PRRC2C: variants seen among roughly 807,000 people sequenced by gnomAD.
The protein encoded by PRRC2C is proline rich coiled-coil 2C.
In PRRC2C, 72 loss-of-function variants were observed where a neutral mutation model predicts 317.2. The observed-to-expected ratio is 0.23, with a 90% CI of 0.19 to 0.28. The LOEUF is 0.28. Among genes scored for constraint, PRRC2C ranks in the 10% least tolerant of loss-of-function variants. PRRC2C has a pLI of 1.00. For synonymous variants in PRRC2C, 1,296 were observed against 1,205.9 expected (o/e 1.07, Z -1.55); for missense variants, 3,074 against 3,459.7 (o/e 0.89, Z 2.80).
At chr1:171,587,597 T>G (rs1266901861) in intron 31 of PRRC2C, 51 bp from the exon 32 acceptor site, 5 of 1,303,546 alleles carry the variant, frequency 3.8e-6, no homozygotes, top group African/African-American at 1.5e-5. Flanking sequence ...AACACAGCAC[T>G]TAGCTTGTGG....
At chr1:171,586,024 C>T (rs955728147) in intron 30 of PRRC2C, among the ~76,000 whole-genome samples, 3 of 149,362 alleles carry the variant, frequency 2.0e-5, no homozygotes, top group Non-Finnish European at 3.0e-5. Context: ...GAAGTTCTGA[C>T]CTCACTTCGA....
intron 12 of PRRC2C, among the ~76,000 whole-genome samples, chr1:171,535,158 T>A (rs188637208): frequency 0.13 from 19,238 of 147,880 alleles, 1,578 homozygotes; most frequent in South Asian, 0.36. Flanking sequence ...TTTCATTATT[T>A]AAAAAAAAAA....
chr1:171,490,377 G>T (rs1055017617), intron 1 of PRRC2C, among the ~76,000 whole-genome samples: 1 of 152,170 alleles, frequency 6.6e-6, no homozygotes, highest in Non-Finnish European at 1.5e-5. Flanking sequence ...TATAAGAAAT[G>T]AATACTGGAT....
intron 9 of PRRC2C, 93 bp downstream of exon 9, chr1:171,523,615 T>C: frequency 9.3e-7 from 1 of 1,079,724 alleles, no homozygotes; most frequent in Non-Finnish European, 1.4e-6. Flanking sequence ...AGACAATTGT[T>C]TGTTATTTGT....
intron 1 of PRRC2C, among the ~76,000 whole-genome samples, chr1:171,505,838 A>G (rs993163564): frequency 2.6e-5 from 4 of 152,234 alleles, no homozygotes; most frequent in African/African-American, 9.6e-5. Context: ...GGCCGCATAT[A>G]TGACAGTGGC....
At chr1:171,489,349 A>G (rs184686585) in intron 1 of PRRC2C, among the ~76,000 whole-genome samples, 22 of 152,286 alleles carry the variant, frequency 1.4e-4, no homozygotes, top group Admixed American at 7.8e-4. Flanking sequence ...GATTCTTTTA[A>G]TTTTGTAAGG....
At chr1:171,491,659 G>C (rs1667176051) in intron 1 of PRRC2C, among the ~76,000 whole-genome samples, 1 of 152,184 alleles carries the variant, frequency 6.6e-6, no homozygotes, top group East Asian at 1.9e-4. Flanking sequence ...GATGGGTTAG[G>C]TGGTTGGGCA....
chr1:171,529,188 G>A (rs1675315228), intron 11 of PRRC2C, among the ~76,000 whole-genome samples: 1 of 152,136 alleles, frequency 6.6e-6, no homozygotes, highest in Non-Finnish European at 1.5e-5. Flanking sequence ...CACTTCGAGT[G>A]TTGGAGCACT....
At position 171,591,571 on chromosome 1, in the gene PRRC2C, T is replaced by C; in HGVS notation, c.8437-16T>C. ...AATGCTGCAGTATTTTCAGTTGTTC[T>C]TTCTCATTTTTTAAGGCAAAGCAGA... On this transcript the variant is annotated splice_polypyrimidine_tract_variant and intron_variant, in intron 34 of 34. Transcript: ENST00000647382. 1 of 1,606,796 alleles carries C rather than the reference T, an allele frequency of 6.2e-7. No individual in the cohort carries two copies. The highest frequency in any genetic ancestry group is 8.5e-7 in the Non-Finnish European group (1 of 1,174,922).
Position 171,557,513 on chromosome 1 carries a change from G to T in PRRC2C, c.5401G>T (p.Ala1801Ser). 6.4e-7 allele frequency: 1 copy of T among 1,551,404 alleles called. No individual in the cohort carries two copies. Among genetic ancestry groups the T allele is most frequent in the South Asian group, 1.2e-5 (1 of 84,038 alleles). ...AGCTCCAGTTCTGGCCTCAACCTCA[G>T]CTCCAGTTCCAGCCTCACCCTTAGC... ...TLAPVLASTS[A>S]PVPASPLAPV... The change falls in exon 19 of 35, where the codon GCT becomes TCT. Residue 1801 changes from alanine to serine, a missense_variant. Ala to Ser is a moderately conservative substitution (Grantham distance 99). This residue lies in a region of PRRC2C where 640 missense variants were observed against 676.1 expected (regional missense o/e 0.95). Coordinates refer to ENST00000647382, the MANE Select transcript of PRRC2C (RefSeq NM_001387844.1).
intron 12 of PRRC2C, among the ~76,000 whole-genome samples, chr1:171,533,778 C>T (rs551828409): frequency 4.6e-5 from 7 of 152,248 alleles, no homozygotes; most frequent in African/African-American, 9.6e-5. Flanking sequence ...CGCGTGCCAC[C>T]GCACCCAGCT....
At chr1:171,488,630 G>T (rs1666561061) in intron 1 of PRRC2C, among the ~76,000 whole-genome samples, 1 of 152,146 alleles carries the variant, frequency 6.6e-6, no homozygotes, top group South Asian at 2.1e-4. Context: ...TCCCAGCATT[G>T]CCAGTTACAT....
At position 171,579,893 on chromosome 1, in the gene PRRC2C, A is replaced by G. The variant is rs1200176698; in HGVS notation, c.7338A>G (p.Gln2446=). ...CACTGCAAGGGCAGCATCAAGCCCA[A>G]CTGAGTTTGGGGGCTGGCCCTGCTG... ...YAPLQGQHQA[Q]LSLGAGPAVS... The change falls in exon 28 of 35, where the codon CAA becomes CAG. Residue 2446 remains glutamine (Q), a synonymous_variant. Coordinates refer to ENST00000647382, the MANE Select transcript of PRRC2C (RefSeq NM_001387844.1). 29 of 1,598,762 alleles carry G rather than the reference A, an allele frequency of 1.8e-5. No homozygotes were observed. Among genetic ancestry groups the G allele is most frequent in the South Asian group, 4.5e-5 (4 of 88,326 alleles).
chr1:171,494,641 G>A (rs1004568890), intron 1 of PRRC2C, among the ~76,000 whole-genome samples: 2 of 152,058 alleles, frequency 1.3e-5, no homozygotes, highest in Non-Finnish European at 2.9e-5. Flanking sequence ...GGTTACTACA[G>A]TCACCCCTTA....
intron 14 of PRRC2C, among the ~76,000 whole-genome samples, chr1:171,536,926 G>A (rs1158839557): frequency 6.6e-6 from 1 of 152,182 alleles, no homozygotes; most frequent in African/African-American, 2.4e-5. Context: ...TAATTTTCAT[G>A]ATGTTTGTAT....
intron 18 of PRRC2C, among the ~76,000 whole-genome samples, chr1:171,555,446 C>T (rs1034220624): frequency 1.3e-5 from 2 of 152,162 alleles, no homozygotes; most frequent in East Asian, 3.9e-4. Context: ...TATTACCAAC[C>T]TTCTGAAGCC....
intron 10 of PRRC2C, among the ~76,000 whole-genome samples, chr1:171,527,354 A>C (rs1218175944): frequency 6.9e-6 from 1 of 144,936 alleles, no homozygotes; most frequent in African/African-American, 2.6e-5. Flanking sequence ...GCTGGTCTTG[A>C]ACTCCTGACC....
At position 171,591,933 on chromosome 1, in the gene PRRC2C, A is replaced by C; in HGVS notation, c.*86A>C. The C allele has an allele frequency of 6.7e-7, 1 of 1,489,868 alleles. No homozygotes were observed. Among genetic ancestry groups the C allele is most frequent in the Non-Finnish European group, 9.1e-7 (1 of 1,102,320 alleles). 92.3% of individuals were successfully genotyped at this position (1,489,868 alleles called of 1,614,324 possible). On this transcript the variant is annotated 3_prime_UTR_variant, in exon 35 of 35. Coordinates refer to ENST00000647382, the MANE Select transcript of PRRC2C (RefSeq NM_001387844.1). ...GATAATGCTGGCAGCCAAAGGGGCA[A>C]AATGGCCTGTGACATTATCCTGTTC...
At chr1:171,535,666 T>TA (rs1676687466) in intron 13 of PRRC2C, 69 bp downstream of exon 13, 3 of 1,498,890 alleles carry the variant, frequency 2.0e-6, no homozygotes, top group South Asian at 1.2e-5. Context: ...TCTGGGAAAT[T>TA]AGACATAAAA....
Sources: allele counts gnomAD v4.1 joint callset (sites outside exome capture counted in the v4.1 genomes callset), GRCh38; gene constraint gnomAD v4.1.1; regional missense constraint gnomAD v4.1.1; transcripts MANE v1.5; gene names NCBI Gene and HGNC (gene_info 2026-07-23, HGNC 2026-07-21).